The following LINGO2 variants were observed in gnomAD, a reference collection of about 807,000 sequenced individuals.
LINGO2 encodes leucine rich repeat and Ig domain containing 2.
In LINGO2, 14 loss-of-function variants were observed where a neutral mutation model predicts 30.6. The ratio of observed to expected loss-of-function variants is 0.46; its 90% CI spans 0.30 to 0.72. LINGO2 has a LOEUF of 0.72. Among genes scored for constraint, LINGO2 ranks in the 30% least tolerant of loss-of-function variants. LINGO2 has a pLI of 0.07. For synonymous variants in LINGO2, 317 were observed against 288.5 expected (o/e 1.10, Z -1.00); for missense variants, 729 against 751.7 (o/e 0.97, Z 0.35).
chr9:28,867,560 C>T, the LINGO2 span, among the ~76,000 whole-genome samples: 4 of 151,540 alleles, frequency 2.6e-5, no homozygotes, highest in Admixed American at 6.6e-5. Flanking sequence ...CAGAGAATCA[C>T]AAAGTTATTG....
the LINGO2 span, among the ~76,000 whole-genome samples, chr9:28,727,411 G>A: frequency 4.6e-4 from 70 of 151,908 alleles, no homozygotes; most frequent in Non-Finnish European, 7.2e-4. Context: ...TCAGCCTCCC[G>A]AGTAGCTGGG....
chr9:28,618,371 C>T (rs916973245), intron 1 of LINGO2, among the ~76,000 whole-genome samples: 9 of 152,128 alleles, frequency 5.9e-5, no homozygotes, highest in Admixed American at 4.6e-4. Context: ...CTCTCTCTCT[C>T]CTTTTCTTTC....
At chr9:28,829,971 A>T in the LINGO2 span, among the ~76,000 whole-genome samples, 4 of 152,230 alleles carry the variant, frequency 2.6e-5, no homozygotes, top group Admixed American at 2.0e-4. Flanking sequence ...TGCTGTCATC[A>T]TAAGGAACAT....
At chr9:28,020,999 ATTTCT>A (rs1022294313) in intron 4 of LINGO2, among the ~76,000 whole-genome samples, 14 of 151,800 alleles carry the variant, frequency 9.2e-5, no homozygotes, top group African/African-American at 1.7e-4. Flanking sequence ...TTTTGGTTTC[ATTTCT>A]TTTCTTTGTT....
At chr9:28,827,699 A>G in the LINGO2 span, among the ~76,000 whole-genome samples, 1 of 152,188 alleles carries the variant, frequency 6.6e-6, no homozygotes, top group Admixed American at 6.5e-5. Context: ...TTAGGTTATT[A>G]TAACAAAATG....
chr9:29,130,762 T>TA, the LINGO2 span, among the ~76,000 whole-genome samples: 1 of 152,054 alleles, frequency 6.6e-6, no homozygotes, highest in Non-Finnish European at 1.5e-5. Context: ...AGGTACTTGT[T>TA]AAAACATGGA....
At chr9:28,276,072 A>G (rs1345152110) in intron 4 of LINGO2, among the ~76,000 whole-genome samples, 1 of 152,176 alleles carries the variant, frequency 6.6e-6, no homozygotes, top group East Asian at 1.9e-4. Context: ...GATGAAAGAT[A>G]AAATATGCAA....
intron 4 of LINGO2, among the ~76,000 whole-genome samples, chr9:28,014,239 A>T (rs1822708348): frequency 6.6e-6 from 1 of 152,194 alleles, no homozygotes; most frequent in South Asian, 2.1e-4. Context: ...CTGGAAGAAA[A>T]TAAAGAACAC....
chr9:29,019,981 A>C, the LINGO2 span, among the ~76,000 whole-genome samples: 1 of 152,194 alleles, frequency 6.6e-6, no homozygotes, highest in Non-Finnish European at 1.5e-5. Context: ...CAATTTCAGC[A>C]ACCTATATAA....
At chr9:28,078,706 T>G (rs1017876177) in intron 4 of LINGO2, among the ~76,000 whole-genome samples, 1 of 147,512 alleles carries the variant, frequency 6.8e-6, no homozygotes, top group Non-Finnish European at 1.5e-5. Flanking sequence ...ATTAGCTGGG[T>G]GTGGTAGTAC....
At chr9:28,721,629 G>A in the LINGO2 span, among the ~76,000 whole-genome samples, 1 of 152,052 alleles carries the variant, frequency 6.6e-6, no homozygotes, top group Admixed American at 6.6e-5. Flanking sequence ...TGGAAACAGG[G>A]AGGAGAACAT....
chr9:29,057,187 G>C, the LINGO2 span, among the ~76,000 whole-genome samples: 1 of 151,838 alleles, frequency 6.6e-6, no homozygotes, highest in African/African-American at 2.4e-5. Flanking sequence ...GATTGCTTTT[G>C]GCAGTATGGT....
At chr9:28,303,465 C>T (rs931179759) in intron 3 of LINGO2, among the ~76,000 whole-genome samples, 1 of 152,004 alleles carries the variant, frequency 6.6e-6, no homozygotes, top group Admixed American at 6.6e-5. Flanking sequence ...AAATTGACCC[C>T]TGAACAACAT....
At chr9:28,005,367 C>T (rs1259712381) in intron 5 of LINGO2, among the ~76,000 whole-genome samples, 1 of 152,188 alleles carries the variant, frequency 6.6e-6, no homozygotes, top group African/African-American at 2.4e-5. Context: ...TGATTCCCAA[C>T]TTCTCTGAGA....
At chr9:28,019,540 CTA>C (rs1490716257) in intron 4 of LINGO2, among the ~76,000 whole-genome samples, 1 of 152,090 alleles carries the variant, frequency 6.6e-6, no homozygotes, top group Middle Eastern at 3.4e-3. Flanking sequence ...TATATTTAAT[CTA>C]TGAGTATTTG....
At chr9:28,825,718 A>G in the LINGO2 span, among the ~76,000 whole-genome samples, 4 of 152,004 alleles carry the variant, frequency 2.6e-5, no homozygotes, top group African/African-American at 9.7e-5. Context: ...TATCTACTTT[A>G]CTTATAGCCT....
chr9:28,780,830 ATGTGTGTGTGTGTG>A, the LINGO2 span, among the ~76,000 whole-genome samples: 32,908 of 127,310 alleles, frequency 0.26, 3,662 homozygotes, highest in African/African-American at 0.28. Context: ...CTTGGTAGTA[ATGTGTGTGTGTGTG>A]TGTGTGTGTG....
At chr9:28,628,337 G>A (rs1215979771) in intron 1 of LINGO2, among the ~76,000 whole-genome samples, 2 of 152,080 alleles carry the variant, frequency 1.3e-5, no homozygotes, top group African/African-American at 4.8e-5. Context: ...ATAAATACAG[G>A]AGTTCAGTTT....
At chr9:28,897,458 T>C in the LINGO2 span, among the ~76,000 whole-genome samples, 12 of 152,136 alleles carry the variant, frequency 7.9e-5, no homozygotes, top group Non-Finnish European at 5.9e-5. Context: ...ATATGCACCA[T>C]TTCTAGACTA....
Sources: allele counts gnomAD v4.1 joint callset (sites outside exome capture counted in the v4.1 genomes callset), GRCh38; gene constraint gnomAD v4.1.1; transcripts MANE v1.5; gene names NCBI Gene and HGNC (gene_info 2026-07-23, HGNC 2026-07-21).